ZNF485: variants seen among roughly 807,000 people sequenced by gnomAD.
ZNF485 encodes the protein Zinc finger protein 93 (Zinc finger protein HTF34).
Under a neutral mutation model 10.8 loss-of-function variants are expected in ZNF485, and 9 were observed. The ratio of observed to expected loss-of-function variants is 0.83; its 90% CI spans 0.50 to 1.45. The LOEUF is 1.45. Among genes scored for constraint, ZNF485 ranks in the 40% most tolerant of loss-of-function variants. The probability of loss-of-function intolerance (pLI) is 0.00; values close to 1 mark genes in which losing one functional copy is unlikely to be tolerated. For missense variants in ZNF485, 487 were observed against 528.0 expected (o/e 0.92, Z 0.76); for synonymous variants, 187 against 181.0 (o/e 1.03, Z -0.27).
rs1268749194 is a variant in ZNF485, at chr10:43,617,575, T to C, written c.*206T>C. 4.2e-6 allele frequency: 2 copies of C among 475,302 alleles called. No individual in the cohort carries two copies. Among genetic ancestry groups the C allele is most frequent in the East Asian group, 3.2e-5 (1 of 31,438 alleles). 29.4% of individuals were successfully genotyped at this position (475,302 alleles called of 1,614,324 possible). Reference sequence around the variant, plus strand: ...GTAGTTATAGCATACTGTGTGCTAATTGAAAAGAATGAGGTGGAGCTGTAA... The same window carrying C: ...GTAGTTATAGCATACTGTGTGCTAACTGAAAAGAATGAGGTGGAGCTGTAA... On this transcript the variant is annotated 3_prime_UTR_variant, in exon 5 of 5. Transcript: ENST00000361807.
At chr10:43,607,252 A>G in intron 2 of ZNF485, 178 bp downstream of exon 2, 1 of 698,066 alleles carries the variant, frequency 1.4e-6, no homozygotes, top group Non-Finnish European at 2.5e-6. Context: ...CAAGTAGATT[A>G]TTGCTACCCA....
Position 43,617,027 on chromosome 10 carries a change from C to T in ZNF485, c.984C>T (p.Cys328=). ...ATACTGGGGAGAAACCCTATCACTG[C>T]AGTAAATGTGGAAAATCTTTCAGGT... ...RMHTGEKPYH[C]SKCGKSFRYS... is the part of the protein sequence containing the mutation. The change falls in exon 5 of 5, where the codon TGC becomes TGT. Residue 328 remains cysteine (C), a synonymous_variant. Transcript: ENST00000361807. 3 of 1,614,160 alleles carry T rather than the reference C, an allele frequency of 1.9e-6. No individual in the cohort carries two copies. The highest frequency in any genetic ancestry group is 1.7e-5 in the Admixed American group (1 of 60,022).
Position 43,607,172 on chromosome 10 carries a change from A to G in ZNF485, c.24+98A>G, listed in dbSNP as rs1344148028. 2.8e-6 allele frequency: 4 copies of G among 1,448,494 alleles called. No individual in the cohort carries two copies. In the East Asian group the frequency reaches 9.9e-5, roughly 36 times the overall value. The allele number at this position is 1,448,494 out of a possible 1,614,324, so 89.7% of individuals were successfully genotyped here. On this transcript the variant is annotated intron_variant, in intron 2 of 4. Transcript: ENST00000361807. ...CAATGCCCTGCCCTGTGTGTGGACA[A>G]AGCTACCCGAACCAATCCTGGATGG...
intron 2 of ZNF485, among the ~76,000 whole-genome samples, chr10:43,607,786 T>C (rs1157833960): frequency 6.6e-6 from 1 of 152,234 alleles, no homozygotes; most frequent in Non-Finnish European, 1.5e-5. Flanking sequence ...TTACTCATTT[T>C]TTCTTTTAGT....
At chr10:43,613,323 T>C (rs901631756) in intron 4 of ZNF485, among the ~76,000 whole-genome samples, 1 of 152,266 alleles carries the variant, frequency 6.6e-6, no homozygotes, top group Non-Finnish European at 1.5e-5. Context: ...TTTAACTTCA[T>C]GTGAATGGTA....
intron 4 of ZNF485, 63 bp downstream of exon 4, chr10:43,609,413 G>C: frequency 7.6e-7 from 1 of 1,312,630 alleles, no homozygotes; most frequent in East Asian, 2.3e-5. Context: ...GGGTTCCTGA[G>C]TGGAAGCTCA....
chr10:43,616,662 ATT>A lies in ZNF485; in HGVS notation c.620_621del (p.Ile207ThrfsTer3), dbSNP rs1564484154. Reference protein sequence around the residue: ...KHSTFINHQRIHSREKPHKCI... With the variant: ...KHSTFINHQRXHSREKPHKCI... ...CTCAACGTTTATCAACCATCAGAGAATTCATTCTAGGGAGAAACCCCACAAAT... is the reference window on the plus strand; with the variant it reads ...CTCAACGTTTATCAACCATCAGAGAACATTCTAGGGAGAAACCCCACAAAT... On this transcript the variant is annotated frameshift_variant, in exon 5 of 5. Transcript: ENST00000361807. LOFTEE classifies it low-confidence loss of function (END_TRUNC). 3 of 1,614,212 alleles carry A rather than the reference ATT, an allele frequency of 1.9e-6. No homozygotes were observed. The highest frequency in any genetic ancestry group is 2.5e-6 in the Non-Finnish European group (3 of 1,180,048).
rs1403837286 is a variant in ZNF485, at chr10:43,607,070, T to A, written c.20T>A (p.Ile7Asn). The A allele has an allele frequency of 1.3e-6, 2 of 1,551,652 alleles. No homozygotes were observed. The change falls in exon 2 of 5, where the codon ATC becomes AAC. Residue 7 changes from isoleucine to asparagine, a missense_variant. Ile to Asn is a moderately radical substitution (Grantham distance 149). Transcript: ENST00000361807. MAPRAQ[I>N]QGPLTFGDVA... ...AGACAGATGGCCCCAAGAGCCCAGA[T>A]CCAGGCAAGTTTGATTTTTCCATTT...
chr10:43,606,468 G>C lies in ZNF485; in HGVS notation c.-133G>C, dbSNP rs541598927. 1 of 401,914 alleles carries C rather than the reference G, an allele frequency of 2.5e-6. No individual in the cohort carries two copies. Among genetic ancestry groups the C allele is most frequent in the Non-Finnish European group, 4.7e-6 (1 of 214,352 alleles). 24.9% of individuals were successfully genotyped at this position (401,914 alleles called of 1,614,324 possible). A position where few individuals can be genotyped will look rare whatever the true frequency, so the allele number is the denominator to read the frequency against. The stretch of plus-strand genomic sequence containing the variant: ...GCGAGCGCTGCACCAGCCCCTGGCT[G>C]GTGGTTACTGTCCGAACGGCGTGGT... On this transcript the variant is annotated 5_prime_UTR_variant, in exon 1 of 5. Coordinates refer to ENST00000361807, the MANE Select transcript of ZNF485 (RefSeq NM_145312.4).
intron 2 of ZNF485, chr10:43,607,440 T>A: frequency 3.5e-6 from 1 of 289,712 alleles, no homozygotes. Flanking sequence ...TAGTTCTTCC[T>A]GAAGAATAAA....
chr10:43,617,744 G>A lies in ZNF485; in HGVS notation c.*375G>A. ...GAATAGCCACTGCACTCCAGCCTGG[G>A]CAACATAGCAAGACTCCATCTCTAA... is the stretch of plus-strand genomic sequence containing the variant. On this transcript the variant is annotated 3_prime_UTR_variant, in exon 5 of 5. Transcript: ENST00000361807. The A allele has an allele frequency of 5.9e-6, 1 of 169,196 alleles. No individual in the cohort carries two copies. Among genetic ancestry groups the A allele is most frequent in the Non-Finnish European group, 1.3e-5 (1 of 78,612 alleles). 10.5% of individuals were successfully genotyped at this position (169,196 alleles called of 1,614,324 possible).
At position 43,616,414 on chromosome 10, in the gene ZNF485, G is replaced by A; in HGVS notation, c.371G>A (p.Ser124Asn). The A allele has an allele frequency of 3.1e-6, 5 of 1,614,180 alleles. No homozygotes were observed. The highest frequency in any genetic ancestry group is 4.2e-6 in the Non-Finnish European group (5 of 1,180,032). The change falls in exon 5 of 5, where the codon AGC (serine) becomes AAC (asparagine). Residue 124 changes from serine to asparagine, a missense_variant. Transcript: ENST00000361807. Reference sequence around the variant, plus strand: ...AAAGGCCTGGACTGGGAGGGCAGAAGCTCCACAGAGAAGAACTATAAGTGC... The same window carrying A: ...AAAGGCCTGGACTGGGAGGGCAGAAACTCCACAGAGAAGAACTATAAGTGC... ...MEKGLDWEGRSSTEKNYKCKE... is the reference protein window; with the variant it reads ...MEKGLDWEGRNSTEKNYKCKE...
In ZNF485 at chr10:43,616,464, T is replaced by C. The variant is rs1838858795; in HGVS notation, c.421T>C (p.Tyr141His). Residue 141 changes from tyrosine (Y) to histidine (H), a missense_variant, in exon 5 of 5, where the codon TAC becomes CAC. Transcript: ENST00000361807. The stretch of plus-strand genomic sequence containing the variant: ...CAAGGAATGTGGGAAAGTCTTCAAA[T>C]ACAATTCGTCCTTTATTAGCCACCA... ...KCKECGKVFK[Y>H]NSSFISHQRN... is the part of the protein sequence containing the mutation. The C allele has an allele frequency of 1.9e-6, 3 of 1,613,782 alleles. No homozygotes were observed. The highest frequency in any genetic ancestry group is 2.7e-5 in the African/African-American group (2 of 74,854).
intron 4 of ZNF485, among the ~76,000 whole-genome samples, chr10:43,614,839 CAT>C (rs1838825902): frequency 6.6e-6 from 1 of 152,088 alleles, no homozygotes; most frequent in African/African-American, 2.4e-5. Flanking sequence ...TTCTGTGCAT[CAT>C]ATGAGTTAGG....
chr10:43,607,097 T>C, intron 2 of ZNF485, 23 bp downstream of exon 2: 1 of 1,551,208 alleles, frequency 6.4e-7, no homozygotes. Flanking sequence ...TTTCCATTTC[T>C]TGAGAAACCA....
At chr10:43,609,222 T>C (rs758431764) in intron 3 of ZNF485, 33 bp from the exon 4 acceptor site, 5 of 1,541,982 alleles carry the variant, frequency 3.2e-6, no homozygotes, top group African/African-American at 1.4e-5. Context: ...ATTTTTTTTT[T>C]CTTCCTCTAA....
At chr10:43,607,679 T>G (rs1282852972) in intron 2 of ZNF485, among the ~76,000 whole-genome samples, 1 of 152,238 alleles carries the variant, frequency 6.6e-6, no homozygotes, top group Non-Finnish European at 1.5e-5. Flanking sequence ...GAGTGTCTAT[T>G]ATACAAATAA....
intron 4 of ZNF485, among the ~76,000 whole-genome samples, chr10:43,615,553 T>C (rs1004151929): frequency 1.3e-5 from 2 of 152,088 alleles, no homozygotes; most frequent in Non-Finnish European, 2.9e-5. Flanking sequence ...AGGCATGTGC[T>C]ACCATGCCTG....
intron 4 of ZNF485, among the ~76,000 whole-genome samples, chr10:43,613,476 C>T (rs1427805438): frequency 6.6e-6 from 1 of 152,210 alleles, no homozygotes; most frequent in African/African-American, 2.4e-5. Context: ...TTGCGGGGCC[C>T]CCTGCAGAGT....
Sources: gnomAD v4.1 joint callset for allele counts (sites outside exome capture counted in the v4.1 genomes callset) on GRCh38, gnomAD v4.1.1 for gene constraint, MANE v1.5 for transcripts, NCBI Gene and HGNC (gene_info 2026-07-23, HGNC 2026-07-21) for gene names.